Variants in CFAP299 observed in about 807,000 individuals in gnomAD.
The protein encoded by CFAP299 is cilia and flagella associated protein 299.
A neutral mutation model predicts 27.0 loss-of-function variants in CFAP299; 21 were observed. The ratio of observed to expected loss-of-function variants is 0.78; its 90% CI spans 0.55 to 1.12. CFAP299 has a LOEUF of 1.12. Ranked by LOEUF, CFAP299 falls within the 50% of genes most tolerant of loss-of-function variation. The probability of loss-of-function intolerance (pLI) is 0.00; values close to 1 mark genes in which losing one functional copy is unlikely to be tolerated. For missense variants in CFAP299, 310 were observed against 276.6 expected (o/e 1.12, Z -0.86); for synonymous variants, 104 against 98.1 (o/e 1.06, Z -0.36).
At chr4:80,727,851 T>C (rs1232347958) in intron 3 of CFAP299, among the ~76,000 whole-genome samples, 1 of 151,960 alleles carries the variant, frequency 6.6e-6, no homozygotes, top group East Asian at 1.9e-4. Flanking sequence ...AGAACAAATA[T>C]GAACTATTTG....
At chr4:80,833,449 C>G (rs917556334) in intron 3 of CFAP299, among the ~76,000 whole-genome samples, 3 of 151,970 alleles carry the variant, frequency 2.0e-5, no homozygotes, top group African/African-American at 7.3e-5. Context: ...ATAACACGTA[C>G]TGGCCCACTG....
At chr4:80,341,900 C>G (rs1450146748) in intron 1 of CFAP299, among the ~76,000 whole-genome samples, 1 of 152,088 alleles carries the variant, frequency 6.6e-6, no homozygotes. Flanking sequence ...ATGTTGTAAC[C>G]CAATGAAAAG....
chr4:80,448,063 T>C (rs1251687185), intron 2 of CFAP299, among the ~76,000 whole-genome samples: 1 of 152,232 alleles, frequency 6.6e-6, no homozygotes, highest in Non-Finnish European at 1.5e-5. Context: ...AGAACAGATC[T>C]GTATGTTGTA....
intron 3 of CFAP299, among the ~76,000 whole-genome samples, chr4:80,729,898 C>A (rs1018976003): frequency 6.6e-6 from 1 of 152,110 alleles, no homozygotes; most frequent in East Asian, 1.9e-4. Context: ...CCACAGCACC[C>A]GGCCCAGCAT....
intron 5 of CFAP299, among the ~76,000 whole-genome samples, chr4:80,953,884 A>G (rs1054811231): frequency 6.6e-6 from 1 of 152,204 alleles, no homozygotes; most frequent in South Asian, 2.1e-4. Context: ...TAAAGCATAC[A>G]TGACAAAGAA....
intron 2 of CFAP299, among the ~76,000 whole-genome samples, chr4:80,496,983 A>G (rs1188887044): frequency 6.6e-6 from 1 of 152,212 alleles, no homozygotes; most frequent in Non-Finnish European, 1.5e-5. Flanking sequence ...TCACAAAGAC[A>G]GCACCAAAGG....
intron 3 of CFAP299, among the ~76,000 whole-genome samples, chr4:80,768,607 G>A (rs1726032275): frequency 6.6e-6 from 1 of 151,982 alleles, no homozygotes; most frequent in African/African-American, 2.4e-5. Flanking sequence ...TGCCAAAGAA[G>A]GTCTAGTATA....
chr4:80,575,425 G>A (rs548204109), intron 2 of CFAP299, among the ~76,000 whole-genome samples: 3 of 151,202 alleles, frequency 2.0e-5, no homozygotes, highest in Admixed American at 6.6e-5. Context: ...TCCCAGGCTC[G>A]TGTGATCTTC....
intron 3 of CFAP299, among the ~76,000 whole-genome samples, chr4:80,771,587 C>T (rs537183149): frequency 5.3e-4 from 81 of 152,138 alleles, no homozygotes; most frequent in Non-Finnish European, 1.0e-3. Flanking sequence ...AGAAGATAGG[C>T]TTTTCTGTCC....
chr4:80,929,700 C>T (rs1736504026), intron 4 of CFAP299, among the ~76,000 whole-genome samples: 1 of 152,152 alleles, frequency 6.6e-6, no homozygotes, highest in African/African-American at 2.4e-5. Context: ...CCCCTTCAAT[C>T]AATTCATCAC....
chr4:80,505,781 C>T (rs1731997489), intron 2 of CFAP299, among the ~76,000 whole-genome samples: 1 of 151,848 alleles, frequency 6.6e-6, no homozygotes, highest in South Asian at 2.1e-4. Context: ...TGAGCCCTCC[C>T]TTTGTGTTCT....
intron 4 of CFAP299, among the ~76,000 whole-genome samples, chr4:80,944,156 T>C (rs1737349614): frequency 1.3e-5 from 2 of 152,154 alleles, no homozygotes; most frequent in South Asian, 4.1e-4. Context: ...ATGTATGCTT[T>C]GAAACATACA....
intron 3 of CFAP299, among the ~76,000 whole-genome samples, chr4:80,762,035 A>G (rs1410697933): frequency 6.6e-6 from 1 of 152,044 alleles, no homozygotes; most frequent in African/African-American, 2.4e-5. Flanking sequence ...TGGGATTCAA[A>G]TATAATAAAA....
At chr4:80,471,572 G>A (rs1195585596) in intron 2 of CFAP299, among the ~76,000 whole-genome samples, 1 of 124,830 alleles carries the variant, frequency 8.0e-6, no homozygotes, top group Non-Finnish European at 1.7e-5. Flanking sequence ...TCAGCAGGGC[G>A]GGGGTGGGGG....
intron 3 of CFAP299, among the ~76,000 whole-genome samples, chr4:80,707,251 G>T (rs1379493358): frequency 4.6e-5 from 7 of 151,866 alleles, no homozygotes; most frequent in African/African-American, 1.7e-4. Context: ...ACCTATTTTT[G>T]TCGGGCCCAT....
chr4:80,420,373 C>G (rs1181422332), intron 2 of CFAP299: 1 of 298,324 alleles, frequency 3.4e-6, no homozygotes, highest in Non-Finnish European at 7.0e-6. Flanking sequence ...ACAGTCATCT[C>G]AAAATATGTC....
At chr4:80,922,594 A>G (rs200101095) in intron 4 of CFAP299, among the ~76,000 whole-genome samples, 4 of 151,964 alleles carry the variant, frequency 2.6e-5, no homozygotes, top group Non-Finnish European at 5.9e-5. Context: ...CTTAGACCCA[A>G]AATAAAACTA....
chr4:80,882,181 G>C (rs995639942), intron 4 of CFAP299, among the ~76,000 whole-genome samples: 2 of 152,152 alleles, frequency 1.3e-5, no homozygotes, highest in African/African-American at 2.4e-5. Context: ...TTGGTAGAAA[G>C]TGATTTAAAG....
At chr4:80,860,038 T>A (rs1459663553) in intron 3 of CFAP299, among the ~76,000 whole-genome samples, 2 of 152,232 alleles carry the variant, frequency 1.3e-5, no homozygotes, top group Non-Finnish European at 2.9e-5. Context: ...CCCATCACTT[T>A]CAGGTACACC....
Sources: allele counts gnomAD v4.1 joint callset (sites outside exome capture counted in the v4.1 genomes callset), GRCh38; gene constraint gnomAD v4.1.1; transcripts MANE v1.5; gene names NCBI Gene and HGNC (gene_info 2026-07-23, HGNC 2026-07-21).